Variants in LRRC74A observed in about 807,000 individuals in gnomAD.
The protein encoded by LRRC74A is leucine rich repeat containing 74A.
In LRRC74A, 44 loss-of-function variants were observed where a neutral mutation model predicts 57.9. The ratio of observed to expected loss-of-function variants is 0.76; its 90% confidence interval spans 0.60 to 0.98. The LOEUF (loss-of-function observed/expected upper bound fraction) is 0.98. LRRC74A is among the 50% of genes least tolerant of loss of function. The pLI is 0.00. For missense variants in LRRC74A, 572 were observed against 574.0 expected (o/e 1.00, Z 0.04); for synonymous variants, 211 against 219.4 (o/e 0.96, Z 0.34).
chr14:76,826,834 C>A, intron 1 of LRRC74A, 100 bp downstream of exon 1: 1 of 734,262 alleles, frequency 1.4e-6, no homozygotes, highest in African/African-American at 1.8e-5. Flanking sequence ...CTTTCCTCAC[C>A]TGGGACCCTC....
chr14:76,843,262 T>C (rs1180880553), intron 5 of LRRC74A, among the ~76,000 whole-genome samples: 1 of 139,678 alleles, frequency 7.2e-6, no homozygotes. Flanking sequence ...CACTCCAGTC[T>C]GGGTGACAGA....
chr14:76,845,751 T>C (rs1897079038), intron 7 of LRRC74A, among the ~76,000 whole-genome samples: 1 of 152,240 alleles, frequency 6.6e-6, no homozygotes. Flanking sequence ...CTGGGCGTGG[T>C]GGCTTACGCC....
At chr14:76,844,209 C>A (rs916839892) in intron 5 of LRRC74A, among the ~76,000 whole-genome samples, 5 of 152,284 alleles carry the variant, frequency 3.3e-5, no homozygotes, top group Middle Eastern at 3.4e-3. Flanking sequence ...CACTATGTTG[C>A]CCAGGCTGGT....
intron 9 of LRRC74A, among the ~76,000 whole-genome samples, chr14:76,856,988 TGGATGGATGGA>T (rs1897940605): frequency 6.7e-6 from 1 of 149,664 alleles, no homozygotes; most frequent in Non-Finnish European, 1.5e-5. Context: ...GATGGATGGA[TGGATGGATGGA>T]TGGATGGATG....
intron 3 of LRRC74A, among the ~76,000 whole-genome samples, chr14:76,833,623 A>G (rs900409007): frequency 7.3e-5 from 11 of 151,556 alleles, no homozygotes; most frequent in African/African-American, 2.4e-4. Context: ...TCGTATTTTT[A>G]GTAGAGATGG....
chr14:76,859,622 C>CACTTAATA (rs1446620922), intron 10 of LRRC74A, among the ~76,000 whole-genome samples: 1 of 144,076 alleles, frequency 6.9e-6, no homozygotes, highest in Non-Finnish European at 1.5e-5. Context: ...ACCACAGTGG[C>CACTTAATA]ACTTAATAAG....
rs1896317228 is a variant in LRRC74A at position 76,836,172 on chromosome 14, C to T, written c.340-35C>T. ...GAACTGACTGGGTCACCAACCACTT[C>T]TGTGTCTCTCTCCCTCCCCTTGTGC... On this transcript the variant is annotated intron_variant, in intron 3 of 13. Coordinates refer to ENST00000689127, the MANE Select transcript of LRRC74A (RefSeq NM_001385106.1). 3.3e-6 allele frequency: 5 copies of T among 1,516,566 alleles called. No homozygotes were observed. In the African/African-American group the frequency reaches 5.5e-5, roughly 17 times the overall value. The allele number at this position is 1,516,566 out of a possible 1,614,324, so 93.9% of individuals were successfully genotyped here. A position where few individuals can be genotyped will look rare whatever the true frequency, so the allele number is the denominator to read the frequency against.
chr14:76,856,164 T>C (rs540182523), intron 9 of LRRC74A, among the ~76,000 whole-genome samples: 8 of 152,362 alleles, frequency 5.3e-5, no homozygotes, highest in Non-Finnish European at 1.5e-5. Flanking sequence ...CACACCCCTA[T>C]GCCTTTGCAC....
chr14:76,835,119 T>C (rs1360262486), intron 3 of LRRC74A, among the ~76,000 whole-genome samples: 1 of 152,154 alleles, frequency 6.6e-6, no homozygotes, highest in Non-Finnish European at 1.5e-5. Flanking sequence ...GAAGGGAAGA[T>C]CAAAGTTCTG....
At chr14:76,867,478 G>A (rs1161514664) in intron 13 of LRRC74A, 40 bp downstream of exon 13, 1 of 1,127,004 alleles carries the variant, frequency 8.9e-7, no homozygotes, top group Middle Eastern at 2.1e-4. Flanking sequence ...TCTCTGCAAG[G>A]GGCCCTGGCT....
intron 11 of LRRC74A, among the ~76,000 whole-genome samples, chr14:76,862,149 G>A (rs1284927356): frequency 6.6e-6 from 1 of 152,198 alleles, no homozygotes; most frequent in Non-Finnish European, 1.5e-5. Flanking sequence ...GACCAAACAT[G>A]CAGAGTCCAA....
chr14:76,829,156 C>G, intron 2 of LRRC74A: 1 of 1,289,428 alleles, frequency 7.8e-7, no homozygotes. Flanking sequence ...CTGGTTCCAT[C>G]TGACAGGGTC....
At chr14:76,865,766 T>C (rs1898728937) in intron 11 of LRRC74A, among the ~76,000 whole-genome samples, 1 of 152,228 alleles carries the variant, frequency 6.6e-6, no homozygotes, top group South Asian at 2.1e-4. Context: ...ACCTTTGCCA[T>C]GCCTGGTGGG....
chr14:76,857,388 G>T lies in LRRC74A; in HGVS notation c.966G>T (p.Leu322=), dbSNP rs1317226960. 5.1e-6 allele frequency: 8 copies of T among 1,575,210 alleles called. No homozygotes were observed. The Admixed American group carries it at 9.2e-5, about 18-fold the overall frequency. ...NESLRVLKLF[L]NPINMDGAIL... Reference sequence around the variant, plus strand: ...TGATTCTCCCTCTATAGCTTTTCCTGAATCCCATAAATATGGATGGGGCTA... The same window carrying T: ...TGATTCTCCCTCTATAGCTTTTCCTTAATCCCATAAATATGGATGGGGCTA... The change falls in exon 10 of 14, where the codon CTG becomes CTT. Residue 322 remains leucine, a synonymous_variant. Transcript: ENST00000689127.
intron 9 of LRRC74A, among the ~76,000 whole-genome samples, chr14:76,854,440 T>C (rs1189158719): frequency 6.6e-6 from 1 of 152,160 alleles, no homozygotes; most frequent in Non-Finnish European, 1.5e-5. Flanking sequence ...AAACCTTGTC[T>C]CTACTAAAAA....
At chr14:76,850,741 G>A (rs532842240) in intron 7 of LRRC74A, among the ~76,000 whole-genome samples, 299 of 151,362 alleles carry the variant, frequency 2.0e-3, no homozygotes, top group African/African-American at 6.5e-3. Context: ...GGTGGCAGGC[G>A]CCTATAATCC....
At position 76,866,045 on chromosome 14, in the gene LRRC74A, T is replaced by C. The variant is rs766891016; in HGVS notation, c.1278T>C (p.Ser426=). 40 of 1,588,188 alleles carry C rather than the reference T, an allele frequency of 2.5e-5. No homozygotes were observed. The highest frequency in any genetic ancestry group is 3.4e-5 in the Non-Finnish European group (39 of 1,160,206). The change falls in exon 12 of 14, where the codon TCT becomes TCC. Residue 426 remains serine, a synonymous_variant. Transcript: ENST00000689127. ...ACCCCACTGGGACAATGAAGATGTC[T>C]GTGGATGAGTTCCAGAAAGTGATGA... The part of the protein sequence containing the change: ...SLNPTGTMKM[S]VDEFQKVMIE...
intron 10 of LRRC74A, among the ~76,000 whole-genome samples, chr14:76,858,811 A>C (rs1316577965): frequency 1.3e-5 from 2 of 151,900 alleles, no homozygotes; most frequent in African/African-American, 4.8e-5. Context: ...CTGGTCTCGA[A>C]CTCCCGACCT....
chr14:76,836,146 G>A (rs1465349589), intron 3 of LRRC74A, 61 bp from the exon 4 acceptor site: 11 of 1,248,596 alleles, frequency 8.8e-6, no homozygotes, highest in East Asian at 4.8e-5. Context: ...GGGCGAGCAG[G>A]GAACTGACTG....
Sources: gnomAD v4.1 joint callset for allele counts (sites outside exome capture counted in the v4.1 genomes callset) on GRCh38, gnomAD v4.1.1 for gene constraint, MANE v1.5 for transcripts, NCBI Gene and HGNC (gene_info 2026-07-23, HGNC 2026-07-21) for gene names.